Variants in FMN1 observed in about 807,000 individuals in gnomAD.
The protein encoded by FMN1 is formin-1.
FMN1 carries 110 observed loss-of-function variants against 132.4 expected under a neutral mutation model. The ratio of observed to expected loss-of-function variants is 0.83; its 90% CI spans 0.71 to 0.97. The LOEUF is 0.97. Ranked by LOEUF, FMN1 falls within the 50% of genes least tolerant of loss-of-function variation. FMN1 has a pLI of 0.00. For synonymous variants in FMN1, 722 were observed against 651.7 expected (o/e 1.11, Z -1.64); for missense variants, 1,792 against 1,705.3 (o/e 1.05, Z -0.90).
rs540574235 is a variant in FMN1, at chr15:33,154,901, T to G, written c.14A>C (p.His5Pro). 6.5e-7 allele frequency: 1 copy of G among 1,533,238 alleles called. No homozygotes were observed. Among genetic ancestry groups the G allele is most frequent in the Middle Eastern group, 1.7e-4 (1 of 5,976 alleles). 95.0% of individuals were successfully genotyped at this position (1,533,238 alleles called of 1,614,324 possible). MEGT[H>P]CTLQLHKPIT... ...GGGCTTATGCAATTGGAGGGTACAA[T>G]GAGTGCCTTCCATTATGCCTACCTA... Residue 5 changes from histidine to proline, a missense_variant, in exon 4 of 21, where the codon CAT (histidine) becomes CCT (proline). By Grantham distance (77) the His-to-Pro change is moderately conservative (BLOSUM62 -2). This residue lies in a region of FMN1 where 638 missense variants were observed against 645.2 expected (regional missense o/e 0.99). Transcript: ENST00000616417.
At chr15:33,117,543 T>TA (rs1162948249) in intron 4 of FMN1, among the ~76,000 whole-genome samples, 1 of 152,224 alleles carries the variant, frequency 6.6e-6, no homozygotes, top group African/African-American at 2.4e-5. Flanking sequence ...AACTACGGAT[T>TA]AAGCTGAATG....
intron 6 of FMN1, among the ~76,000 whole-genome samples, chr15:33,028,274 G>C (rs540380641): frequency 6.6e-6 from 1 of 152,258 alleles, no homozygotes; most frequent in South Asian, 2.1e-4. Context: ...AGTGACACCT[G>C]GGGAAGGCCA....
intron 10 of FMN1, among the ~76,000 whole-genome samples, chr15:32,923,406 A>G (rs2060881618): frequency 6.6e-6 from 1 of 152,226 alleles, no homozygotes; most frequent in East Asian, 1.9e-4. Context: ...CAATGACTCC[A>G]AAGGAAAACT....
chr15:32,867,782 C>T (rs780292245), intron 16 of FMN1, among the ~76,000 whole-genome samples: 10 of 152,338 alleles, frequency 6.6e-5, no homozygotes, highest in South Asian at 2.1e-4. Context: ...TGAGCCACCG[C>T]GCCCGGCCAT....
At chr15:33,121,368 ATTG>A (rs556692579) in intron 4 of FMN1, among the ~76,000 whole-genome samples, 168 of 152,304 alleles carry the variant, frequency 1.1e-3, no homozygotes, top group African/African-American at 3.9e-3. Flanking sequence ...CAGTGTCAAT[ATTG>A]TTTACAATGT....
chr15:33,108,000 T>G (rs983675979), intron 4 of FMN1, among the ~76,000 whole-genome samples: 11 of 152,156 alleles, frequency 7.2e-5, no homozygotes, highest in African/African-American at 2.6e-4. Context: ...TTGGATGCCG[T>G]GTTATTGGGA....
At chr15:32,889,898 T>C (rs2059985149) in intron 15 of FMN1, among the ~76,000 whole-genome samples, 1 of 152,140 alleles carries the variant, frequency 6.6e-6, no homozygotes, top group Admixed American at 6.5e-5. Context: ...TGCACCCTCT[T>C]TGTAGTATTT....
At chr15:33,042,284 G>C (rs181084830) in intron 6 of FMN1, among the ~76,000 whole-genome samples, 1 of 152,258 alleles carries the variant, frequency 6.6e-6, no homozygotes, top group African/African-American at 2.4e-5. Flanking sequence ...TATGCTCCTG[G>C]ATGGGAAGAC....
At chr15:32,797,873 C>T (rs1595936596) in intron 19 of FMN1, among the ~76,000 whole-genome samples, 1 of 151,986 alleles carries the variant, frequency 6.6e-6, no homozygotes, top group South Asian at 2.1e-4. Flanking sequence ...TATATCTTTT[C>T]TTTGATTACA....
chr15:32,803,574 C>A (rs146742347), intron 18 of FMN1, among the ~76,000 whole-genome samples: 2 of 152,090 alleles, frequency 1.3e-5, no homozygotes, highest in Non-Finnish European at 2.9e-5. Flanking sequence ...ATTGTCCATA[C>A]GCTGTATGGG....
intron 16 of FMN1, among the ~76,000 whole-genome samples, chr15:32,874,155 T>G (rs1326206152): frequency 3.3e-5 from 5 of 151,748 alleles, no homozygotes; most frequent in Admixed American, 2.6e-4. Flanking sequence ...CTGAGTAGCT[T>G]GGATTACAGG....
intron 17 of FMN1, among the ~76,000 whole-genome samples, chr15:32,836,147 G>A (rs957164513): frequency 1.3e-5 from 2 of 152,036 alleles, no homozygotes; most frequent in Non-Finnish European, 2.9e-5. Context: ...AGGTGTGAGC[G>A]ACTGCTCACA....
At chr15:32,774,973 A>T (rs2056369854) in intron 20 of FMN1, among the ~76,000 whole-genome samples, 1 of 152,154 alleles carries the variant, frequency 6.6e-6, no homozygotes, top group Admixed American at 6.6e-5. Context: ...CACTACACAG[A>T]AACATGGACC....
At chr15:32,830,016 A>G (rs552948425) in intron 17 of FMN1, among the ~76,000 whole-genome samples, 10 of 152,240 alleles carry the variant, frequency 6.6e-5, no homozygotes, top group Non-Finnish European at 1.2e-4. Flanking sequence ...GATTACTTAT[A>G]TCTGCAACTC....
At chr15:32,986,459 G>C (rs2033076220) in intron 7 of FMN1, among the ~76,000 whole-genome samples, 1 of 152,042 alleles carries the variant, frequency 6.6e-6, no homozygotes, top group South Asian at 2.1e-4. Context: ...AATTCACAAA[G>C]ATCTGATGTA....
chr15:33,128,784 T>G (rs1056860776), intron 4 of FMN1, among the ~76,000 whole-genome samples: 3 of 152,202 alleles, frequency 2.0e-5, no homozygotes, highest in African/African-American at 7.2e-5. Flanking sequence ...ACCCAAACGG[T>G]GAGCAGCAGC....
intron 19 of FMN1, among the ~76,000 whole-genome samples, chr15:32,782,259 C>T (rs868090442): frequency 2.6e-5 from 4 of 152,192 alleles, no homozygotes; most frequent in African/African-American, 9.7e-5. Flanking sequence ...CTGTACCATG[C>T]TCAAGTCAGT....
At chr15:33,061,378 T>TA (rs1376030517) in intron 6 of FMN1, among the ~76,000 whole-genome samples, 4 of 152,106 alleles carry the variant, frequency 2.6e-5, no homozygotes, top group African/African-American at 9.7e-5. Context: ...ATTTATCTTT[T>TA]AAAACATATG....
At chr15:32,775,801 T>G (rs74011956) in intron 20 of FMN1, among the ~76,000 whole-genome samples, 22,444 of 152,184 alleles carry the variant, frequency 0.15, 1,760 homozygotes, top group Middle Eastern at 0.21. Flanking sequence ...AACCCATTTA[T>G]ATTTTCAAAG....
Sources: allele counts gnomAD v4.1 joint callset (sites outside exome capture counted in the v4.1 genomes callset), GRCh38; gene constraint gnomAD v4.1.1; regional missense constraint gnomAD v4.1.1; transcripts MANE v1.5; gene names NCBI Gene and HGNC (gene_info 2026-07-23, HGNC 2026-07-21).